The following ZFP90 variants were observed in gnomAD, a reference collection of about 807,000 sequenced individuals.
ZFP90 encodes ZFP90 zinc finger protein, also known as zinc finger protein 90 homolog.
ZFP90 carries 38 observed loss-of-function variants against 60.8 expected under a neutral mutation model. That is an observed-to-expected ratio of 0.62 (90% CI 0.48 to 0.82). The LOEUF (loss-of-function observed/expected upper bound fraction) is 0.82, where lower values mean the gene tolerates loss of function less well. Ranked by LOEUF, ZFP90 falls within the 40% of genes least tolerant of loss-of-function variation. ZFP90 has a pLI of 0.00. For synonymous variants in ZFP90, 287 were observed against 264.8 expected (o/e 1.08, Z -0.82); for missense variants, 711 against 759.1 (o/e 0.94, Z 0.74).
At chr16:68,557,307 G>T in intron 2 of ZFP90, 1 of 454,630 alleles carries the variant, frequency 2.2e-6, no homozygotes. Flanking sequence ...AACCACCCGC[G>T]TGCCCTGTCG....
chr16:68,560,676 C>G (rs2091427145), intron 4 of ZFP90, among the ~76,000 whole-genome samples: 1 of 151,892 alleles, frequency 6.6e-6, no homozygotes, highest in African/African-American at 2.4e-5. Context: ...CATGCCTCAG[C>G]CTCCCAAGTA....
chr16:68,544,484 C>G (rs1196944523), intron 2 of ZFP90, among the ~76,000 whole-genome samples: 1 of 152,142 alleles, frequency 6.6e-6, no homozygotes, highest in Non-Finnish European at 1.5e-5. Context: ...ATATGGAGAA[C>G]CAGATCTCTT....
chr16:68,555,039 G>C (rs967801494), intron 2 of ZFP90: 1 of 152,222 alleles, frequency 6.6e-6, no homozygotes, highest in South Asian at 2.1e-4. Context: ...CCCAGTCCCT[G>C]GATTGGATTC....
exon 3 of ZFP90, chr16:68,575,856 C>G (rs888859202): frequency 1.0e-5 from 4 of 398,188 alleles, no homozygotes; most frequent in African/African-American, 8.2e-5. Context: ...ACAGAAACTT[C>G]CAAGAAAGAA....
intron 2 of ZFP90, among the ~76,000 whole-genome samples, chr16:68,550,579 C>A (rs148434131): frequency 6.6e-6 from 1 of 152,184 alleles, no homozygotes; most frequent in African/African-American, 2.4e-5. Flanking sequence ...ATCACACATG[C>A]CCATTTGGAC....
rs1042754726 is a variant in ZFP90 at position 68,539,881 on chromosome 16, C to G, written c.33+56C>G. ...TCCCATCCATCTATCCATCCCATCT[C>G]CCAAGGGTGTTTGGAGCAGTCATTG... On this transcript the variant is annotated intron_variant, in intron 2 of 4. Coordinates refer to ENST00000563169, the MANE Select transcript of ZFP90 (RefSeq NM_001305203.2). 22 of 1,582,590 alleles carry G rather than the reference C, an allele frequency of 1.4e-5. No homozygotes were observed. The Admixed American group carries it at 3.5e-4, about 25-fold the overall frequency.
upstream of ZFP90, among the ~76,000 whole-genome samples, chr16:68,537,577 A>G (rs913613068): frequency 5.3e-5 from 8 of 151,766 alleles, no homozygotes; most frequent in Non-Finnish European, 8.8e-5. Flanking sequence ...ATTTTTATAT[A>G]TATTTTTTGA....
chr16:68,564,573 C>CT lies in ZFP90; in HGVS notation c.1787dup (p.His597AlafsTer2). 1 of 1,614,052 alleles carries CT rather than the reference C, an allele frequency of 6.2e-7. No individual in the cohort carries two copies. Among genetic ancestry groups the CT allele is most frequent in the Non-Finnish European group, 8.5e-7 (1 of 1,179,984 alleles). ...GAGAGCCTTCCGAAAAAAAACCAACCTGCATGATCATCAGAGAATTCATAC... is the reference window on the plus strand; with the variant it reads ...GAGAGCCTTCCGAAAAAAAACCAACCTTGCATGATCATCAGAGAATTCATAC... On this transcript the variant is annotated frameshift_variant, in exon 5 of 5. Transcript: ENST00000563169. LOFTEE classifies it high-confidence loss of function.
intron 2 of ZFP90, among the ~76,000 whole-genome samples, chr16:68,572,459 T>G (rs1335457854): frequency 1.3e-5 from 2 of 152,154 alleles, no homozygotes; most frequent in African/African-American, 2.4e-5. Context: ...AAACAAAATG[T>G]CACATTCCTC....
chr16:68,564,110 A>C lies in ZFP90; in HGVS notation c.1323A>C (p.Glu441Asp). Residue 441 changes from glutamate (E) to aspartate (D), a missense_variant, in exon 5 of 5, where the codon GAA becomes GAC. Around this residue, in one of 5 missense-constraint regions of ZFP90, gnomAD observed 295 missense variants for 274.0 expected, o/e 1.08. Coordinates refer to ENST00000563169, the MANE Select transcript of ZFP90 (RefSeq NM_001305203.2). ...FKHSTSLTQD[E>D]STLTEVKSYH... ...ACAGCACATCTCTCACTCAAGATGA[A>C]AGCACTCTTACCGAAGTGAAATCCT... 6.2e-7 allele frequency: 1 copy of C among 1,614,146 alleles called. No individual in the cohort carries two copies. The highest frequency in any genetic ancestry group is 8.5e-7 in the Non-Finnish European group (1 of 1,180,004).
At chr16:68,541,942 C>T (rs1450647642) in intron 2 of ZFP90, among the ~76,000 whole-genome samples, 1 of 152,180 alleles carries the variant, frequency 6.6e-6, no homozygotes, top group African/African-American at 2.4e-5. Context: ...CAGTTGCATT[C>T]TCATTGAATG....
downstream of ZFP90, among the ~76,000 whole-genome samples, chr16:68,568,219 C>G (rs1353736540): frequency 1.3e-5 from 2 of 152,118 alleles, no homozygotes; most frequent in African/African-American, 4.8e-5. Context: ...CTAATTAATG[C>G]CAGGCATATG....
chr16:68,541,319 T>A (rs1029616678), intron 2 of ZFP90, among the ~76,000 whole-genome samples: 2 of 152,012 alleles, frequency 1.3e-5, no homozygotes, highest in African/African-American at 4.8e-5. Flanking sequence ...ATTACAGATG[T>A]GAGCCACCAC....
intron 2 of ZFP90, chr16:68,575,778 C>T (rs1379255642): frequency 2.5e-6 from 1 of 398,170 alleles, no homozygotes; most frequent in Non-Finnish European, 4.4e-6. Flanking sequence ...GGGACCTGTT[C>T]CTGTCTGCCT....
At chr16:68,540,696 G>A (rs2091027091) in intron 2 of ZFP90, among the ~76,000 whole-genome samples, 1 of 151,092 alleles carries the variant, frequency 6.6e-6, no homozygotes, top group African/African-American at 2.4e-5. Flanking sequence ...AAGTTGCCAG[G>A]TACAGTGGGT....
chr16:68,565,714 T>C lies in ZFP90; in HGVS notation c.*1016T>C, dbSNP rs2091515639. ...AAAACTAAGAGGAGAATTTTCCCGT[T>C]AATTTTCTTGCAGAAAAGTTAAGTC... On this transcript the variant is annotated 3_prime_UTR_variant, in exon 5 of 5. Coordinates refer to ENST00000563169, the MANE Select transcript of ZFP90 (RefSeq NM_001305203.2). 1 of 939,618 alleles carries C rather than the reference T, an allele frequency of 1.1e-6. No individual in the cohort carries two copies. Among genetic ancestry groups the C allele is most frequent in the African/African-American group, 2.3e-5 (1 of 44,098 alleles). The allele number at this position is 939,618 out of a possible 1,614,324, so 58.2% of individuals were successfully genotyped here.
upstream of ZFP90, among the ~76,000 whole-genome samples, chr16:68,534,861 C>G (rs2152048952): frequency 1.3e-5 from 2 of 152,084 alleles, no homozygotes; most frequent in South Asian, 2.1e-4. Context: ...GAGCTGAGAT[C>G]ATGCCACTGT....
chr16:68,538,698 CTG>C (rs1363829319), upstream of ZFP90, among the ~76,000 whole-genome samples: 4 of 94,890 alleles, frequency 4.2e-5, no homozygotes, highest in African/African-American at 1.6e-4. Context: ...AAGAGCGAAA[CTG>C]TGTCTCAAAA....
chr16:68,550,573 C>T (rs2091243554), intron 2 of ZFP90, among the ~76,000 whole-genome samples: 1 of 152,218 alleles, frequency 6.6e-6, no homozygotes, highest in Non-Finnish European at 1.5e-5. Context: ...TGCTTAATCA[C>T]ACATGCCCAT....
Sources: gnomAD v4.1 joint callset for allele counts (sites outside exome capture counted in the v4.1 genomes callset) on GRCh38, gnomAD v4.1.1 for gene constraint, gnomAD v4.1.1 regional missense constraint, MANE v1.5 for transcripts, NCBI Gene and HGNC (gene_info 2026-07-23, HGNC 2026-07-21) for gene names.